The following FSTL5 variants were observed in gnomAD, a reference collection of about 807,000 sequenced individuals.
FSTL5 encodes the protein follistatin-related protein 5.
A neutral mutation model predicts 89.1 loss-of-function variants in FSTL5; 62 were observed. The observed-to-expected ratio is 0.70, with a 90% CI of 0.57 to 0.86. The LOEUF is 0.86. Among genes scored for constraint, FSTL5 ranks in the 40% least tolerant of loss-of-function variants. The probability of loss-of-function intolerance (pLI) is 0.00; values close to 1 mark genes in which losing one functional copy is unlikely to be tolerated. For synonymous variants in FSTL5, 383 were observed against 346.2 expected, an observed-to-expected ratio of 1.11 and a Z score of -1.18; for missense variants, 1,057 against 1,001.6, an observed-to-expected ratio of 1.06 and a Z score of -0.75.
intron 3 of FSTL5, among the ~76,000 whole-genome samples, chr4:161,950,067 T>C (rs977256958): frequency 6.6e-6 from 1 of 152,116 alleles, no homozygotes; most frequent in Non-Finnish European, 1.5e-5. Flanking sequence ...ATTCTTCTTT[T>C]GGGGCAATAA....
At chr4:161,553,811 T>C (rs1732296408) in intron 8 of FSTL5, among the ~76,000 whole-genome samples, 1 of 151,602 alleles carries the variant, frequency 6.6e-6, no homozygotes, top group Non-Finnish European at 1.5e-5. Context: ...TTAGTGCATT[T>C]ATAGTATTTC....
intron 1 of FSTL5, among the ~76,000 whole-genome samples, chr4:162,138,351 T>C (rs1732596350): frequency 6.6e-6 from 1 of 151,260 alleles, no homozygotes; most frequent in African/African-American, 2.4e-5. Flanking sequence ...TTTACCACAT[T>C]TACAGATTAA....
chr4:161,771,623 GAA>G (rs1741213724), intron 5 of FSTL5, among the ~76,000 whole-genome samples: 1 of 152,086 alleles, frequency 6.6e-6, no homozygotes, highest in Admixed American at 6.6e-5. Flanking sequence ...TTTTGGTCTT[GAA>G]AATGAAATGT....
chr4:161,432,174 A>G (rs566185946), intron 15 of FSTL5, among the ~76,000 whole-genome samples: 8 of 152,206 alleles, frequency 5.3e-5, no homozygotes, highest in Admixed American at 2.6e-4. Context: ...TCTTCAGCAC[A>G]TGGATCATTC....
At chr4:161,470,094 T>A (rs890275847) in intron 13 of FSTL5, among the ~76,000 whole-genome samples, 8 of 152,094 alleles carry the variant, frequency 5.3e-5, no homozygotes, top group South Asian at 4.1e-4. Flanking sequence ...GAATAATTTT[T>A]TAAAAAAATT....
intron 2 of FSTL5, among the ~76,000 whole-genome samples, chr4:162,036,279 C>T (rs1193929167): frequency 6.6e-6 from 1 of 152,024 alleles, no homozygotes; most frequent in African/African-American, 2.4e-5. Flanking sequence ...AATTTCTGAC[C>T]TTCCCTTACT....
chr4:161,703,049 A>G (rs551429055), intron 6 of FSTL5, among the ~76,000 whole-genome samples: 16 of 152,228 alleles, frequency 1.1e-4, no homozygotes, highest in African/African-American at 3.8e-4. Flanking sequence ...CAACAGAGAT[A>G]TGCACACGTA....
At chr4:161,402,954 G>A (rs1224290454) in intron 15 of FSTL5, among the ~76,000 whole-genome samples, 1 of 151,600 alleles carries the variant, frequency 6.6e-6, no homozygotes, top group South Asian at 2.1e-4. Flanking sequence ...CCCGAGTAGC[G>A]GGGACTACAG....
At chr4:161,686,150 G>A (rs1261854806) in intron 6 of FSTL5, among the ~76,000 whole-genome samples, 1 of 150,412 alleles carries the variant, frequency 6.6e-6, no homozygotes, top group Non-Finnish European at 1.5e-5. Context: ...TTTGGATTTG[G>A]TTAGCTAGAT....
intron 1 of FSTL5, among the ~76,000 whole-genome samples, chr4:162,142,508 C>T (rs1351813445): frequency 6.6e-6 from 1 of 152,004 alleles, no homozygotes; most frequent in Non-Finnish European, 1.5e-5. Flanking sequence ...AGAAGAGAAA[C>T]AGAATGACAG....
chr4:161,552,190 C>T (rs938057776), intron 8 of FSTL5, among the ~76,000 whole-genome samples: 7 of 151,828 alleles, frequency 4.6e-5, no homozygotes, highest in Non-Finnish European at 8.8e-5. Flanking sequence ...TTAGACTAAT[C>T]TGACTAATCT....
At chr4:162,132,175 G>GT (rs778956517) in intron 1 of FSTL5, among the ~76,000 whole-genome samples, 6 of 152,172 alleles carry the variant, frequency 3.9e-5, no homozygotes, top group Non-Finnish European at 7.3e-5. Context: ...TGATTTCAGT[G>GT]TTTAAGTTTA....
intron 8 of FSTL5, among the ~76,000 whole-genome samples, chr4:161,555,403 A>G (rs994323201): frequency 2.0e-5 from 3 of 151,528 alleles, no homozygotes; most frequent in Non-Finnish European, 4.4e-5. Flanking sequence ...CTCTAAACCT[A>G]AAGAAAAGAA....
chr4:161,865,365 A>G (rs900855988), intron 4 of FSTL5, among the ~76,000 whole-genome samples: 1 of 152,226 alleles, frequency 6.6e-6, no homozygotes, highest in Non-Finnish European at 1.5e-5. Context: ...TATTCAATTT[A>G]TAAGTCAGTT....
At chr4:161,551,063 T>C (rs905161792) in intron 8 of FSTL5, among the ~76,000 whole-genome samples, 2 of 152,076 alleles carry the variant, frequency 1.3e-5, no homozygotes, top group Non-Finnish European at 2.9e-5. Flanking sequence ...TATGTCTTTA[T>C]AGCAGCATGA....
chr4:161,905,975 G>A (rs942964840), intron 4 of FSTL5, among the ~76,000 whole-genome samples: 4 of 152,194 alleles, frequency 2.6e-5, no homozygotes, highest in Non-Finnish European at 4.4e-5. Flanking sequence ...TAGCACAGAA[G>A]TGTGGAAAAG....
At chr4:161,585,894 C>T (rs1337718857) in intron 8 of FSTL5, among the ~76,000 whole-genome samples, 6 of 152,262 alleles carry the variant, frequency 3.9e-5, no homozygotes, top group Non-Finnish European at 7.4e-5. Flanking sequence ...CTGGAAACAC[C>T]ATGAATCAAC....
At chr4:161,564,577 C>T (rs1009058784) in intron 8 of FSTL5, among the ~76,000 whole-genome samples, 2 of 151,176 alleles carry the variant, frequency 1.3e-5, no homozygotes, top group South Asian at 4.2e-4. Context: ...TTTACTATTT[C>T]CTTGACATAG....
intron 2 of FSTL5, among the ~76,000 whole-genome samples, chr4:162,073,715 G>C (rs1403253683): frequency 1.3e-5 from 2 of 151,806 alleles, no homozygotes; most frequent in Middle Eastern, 3.4e-3. Context: ...GAAATTAATA[G>C]TTCTAAATCA....
Sources: gnomAD v4.1 joint callset for allele counts (sites outside exome capture counted in the v4.1 genomes callset) on GRCh38, gnomAD v4.1.1 for gene constraint, MANE v1.5 for transcripts, NCBI Gene and HGNC (gene_info 2026-07-23, HGNC 2026-07-21) for gene names.